The following NOVA1 variants were observed in gnomAD, a reference collection of about 807,000 sequenced individuals.
NOVA1 encodes RNA-binding protein Nova-1.
NOVA1 carries 7 observed loss-of-function variants against 38.0 expected under a neutral mutation model. The observed-to-expected ratio is 0.18, with a 90% CI of 0.10 to 0.35. NOVA1 has a LOEUF of 0.35. Among genes scored for constraint, NOVA1 ranks in the 10% least tolerant of loss-of-function variants. The pLI, the probability that NOVA1 is intolerant of heterozygous loss-of-function variation, is 1.00. For synonymous variants in NOVA1, 270 were observed against 232.5 expected (o/e 1.16, Z -1.47); for missense variants, 460 against 616.0 (o/e 0.75, Z 2.68).
chr14:26,565,745 G>A (rs1892096787), intron 2 of NOVA1, among the ~76,000 whole-genome samples: 1 of 152,076 alleles, frequency 6.6e-6, no homozygotes, highest in Non-Finnish European at 1.5e-5. Context: ...GCTAACACCA[G>A]TACCACCACA....
chr14:26,530,241 C>T (rs957395497), intron 2 of NOVA1, among the ~76,000 whole-genome samples: 1 of 152,144 alleles, frequency 6.6e-6, no homozygotes, highest in Non-Finnish European at 1.5e-5. Context: ...TTTACCTTTA[C>T]CAGCTGATTC....
intron 2 of NOVA1, among the ~76,000 whole-genome samples, chr14:26,535,095 T>C (rs547544732): frequency 6.6e-6 from 1 of 152,102 alleles, no homozygotes; most frequent in Non-Finnish European, 1.5e-5. Flanking sequence ...TACAGAAGCA[T>C]AATAATCAGC....
rs1886464489 is a variant in NOVA1 at position 26,492,973 on chromosome 14, C to G, written c.281-12830G>C. On this transcript the variant is annotated intron_variant, in intron 2 of 4. Coordinates refer to ENST00000539517, the MANE Select transcript of NOVA1 (RefSeq NM_002515.3). ...ATTAAAATTAAAAATAAGTAAATAG[C>G]TTCAGCATACCACAACATATTTAGA... Among the ~76,000 whole-genome samples the G allele has an allele frequency of 2.0e-5, 3 of 151,904 alleles. No homozygotes were observed. The South Asian group carries it at 6.2e-4, about 32-fold the overall frequency.
At chr14:26,591,189 CAG>C (rs1482004913) in intron 2 of NOVA1, among the ~76,000 whole-genome samples, 1 of 151,482 alleles carries the variant, frequency 6.6e-6, no homozygotes, top group East Asian at 1.9e-4. Context: ...AGCAAATTTT[CAG>C]AGATACTAAT....
At chr14:26,549,936 T>G (rs1891063695) in intron 2 of NOVA1, among the ~76,000 whole-genome samples, 1 of 152,084 alleles carries the variant, frequency 6.6e-6, no homozygotes, top group Admixed American at 6.6e-5. Flanking sequence ...GTCTGAAAAC[T>G]TTGCCACAGC....
At chr14:26,523,740 A>C (rs370220233) in intron 2 of NOVA1, among the ~76,000 whole-genome samples, 100 of 131,012 alleles carry the variant, frequency 7.6e-4, no homozygotes, top group Middle Eastern at 4.1e-3. Flanking sequence ...TTCCCTATCC[A>C]CTTGAAGATT....
chr14:26,459,056 A>C (rs1480931736), intron 4 of NOVA1, among the ~76,000 whole-genome samples: 2 of 152,050 alleles, frequency 1.3e-5, no homozygotes, highest in Non-Finnish European at 2.9e-5. Flanking sequence ...ACAGCAGTGT[A>C]CAGTAATGTC....
chr14:26,567,353 T>C (rs1415659195), intron 2 of NOVA1, among the ~76,000 whole-genome samples: 1 of 142,068 alleles, frequency 7.0e-6, no homozygotes, highest in Non-Finnish European at 1.5e-5. Flanking sequence ...TGGAATGCAG[T>C]GGCGCAATCT....
At chr14:26,593,577 G>A (rs1017125706) in intron 2 of NOVA1, 1 of 151,700 alleles carries the variant, frequency 6.6e-6, no homozygotes, top group African/African-American at 2.4e-5. Flanking sequence ...ATCAGGTTAC[G>A]TCACCACACA....
rs769468813 is a variant in NOVA1 at position 26,480,151 on chromosome 14, T to C, written c.281-8A>G. 1 of 1,591,602 alleles carries C rather than the reference T, an allele frequency of 6.3e-7. No homozygotes were observed. The highest frequency in any genetic ancestry group is 2.2e-5 in the East Asian group (1 of 44,534). ...ACACTCGCTCAGTAGTACCTGTGGATAAAACATTGATTTTCAGAAAATATT... is the reference window on the plus strand; with the variant it reads ...ACACTCGCTCAGTAGTACCTGTGGACAAAACATTGATTTTCAGAAAATATT... On this transcript the variant is annotated splice_region_variant and splice_polypyrimidine_tract_variant and intron_variant, in intron 2 of 4. Coordinates refer to ENST00000539517, the MANE Select transcript of NOVA1 (RefSeq NM_002515.3).
intron 2 of NOVA1, among the ~76,000 whole-genome samples, chr14:26,484,968 C>G (rs573242665): frequency 6.6e-6 from 1 of 152,078 alleles, no homozygotes; most frequent in East Asian, 1.9e-4. Flanking sequence ...CGAACAAACC[C>G]TGCCTTCATG....
At chr14:26,458,842 A>T (rs895352467) in intron 4 of NOVA1, among the ~76,000 whole-genome samples, 3 of 152,114 alleles carry the variant, frequency 2.0e-5, no homozygotes, top group Admixed American at 6.6e-5. Context: ...TTAAGAAAAC[A>T]GTGTACAGAA....
chr14:26,597,082 T>C (rs1894239983), intron 1 of NOVA1: 2 of 1,229,484 alleles, frequency 1.6e-6, no homozygotes, highest in Non-Finnish European at 2.0e-6. Context: ...TTTTGATGAA[T>C]GATAAACACA....
At chr14:26,523,819 C>G (rs1889086411) in intron 2 of NOVA1, among the ~76,000 whole-genome samples, 1 of 144,910 alleles carries the variant, frequency 6.9e-6, no homozygotes, top group Non-Finnish European at 1.5e-5. Context: ...GGCACAATCT[C>G]AGCTCACTGC....
Position 26,447,870 on chromosome 14 carries a change from A to G in NOVA1, c.*89T>C. ...TTGCATAATTATATATTAATAACAG[A>G]AAAACTTCACTTCTGCAAAGTACAG... On this transcript the variant is annotated 3_prime_UTR_variant, in exon 5 of 5. Transcript: ENST00000539517. 1 of 961,606 alleles carries G rather than the reference A, an allele frequency of 1.0e-6. No homozygotes were observed. The highest frequency in any genetic ancestry group is 1.6e-6 in the Non-Finnish European group (1 of 629,590). 59.6% of individuals were successfully genotyped at this position (961,606 alleles called of 1,614,324 possible).
Position 26,450,382 on chromosome 14 carries a change from T to TACACAC in NOVA1, c.520-1425_520-1420dup, listed in dbSNP as rs149590260. Among the ~76,000 whole-genome samples the TACACAC allele has an allele frequency of 4.1e-3, 613 of 149,898 alleles. 3 individuals are homozygous for TACACAC. Among genetic ancestry groups the TACACAC allele is most frequent in the South Asian group, 0.013 (60 of 4,766 alleles). ...CTCACAAATATATTTACACATATAA[T>TACACAC]ACACACACACACACACACACAAACC... On this transcript the variant is annotated intron_variant, in intron 4 of 4. Transcript: ENST00000539517.
At chr14:26,590,762 A>G (rs935794219) in intron 2 of NOVA1, among the ~76,000 whole-genome samples, 2 of 151,836 alleles carry the variant, frequency 1.3e-5, no homozygotes. Flanking sequence ...CCTTTGGGGT[A>G]GTATTTGCAA....
At chr14:26,480,239 A>G in intron 2 of NOVA1, 96 bp from the exon 3 acceptor site, 2 of 1,002,280 alleles carry the variant, frequency 2.0e-6, no homozygotes, top group Non-Finnish European at 2.9e-6. Context: ...AAAATGTAAA[A>G]TGCAGAACTC....
chr14:26,568,370 TTGAG>T (rs1385646797), intron 2 of NOVA1: 1 of 152,206 alleles, frequency 6.6e-6, no homozygotes, highest in Non-Finnish European at 1.5e-5. Flanking sequence ...TCAGACAGAC[TTGAG>T]TACACATCAA....
Sources: gnomAD v4.1 joint callset for allele counts (sites outside exome capture counted in the v4.1 genomes callset) on GRCh38, gnomAD v4.1.1 for gene constraint, MANE v1.5 for transcripts, NCBI Gene and HGNC (gene_info 2026-07-23, HGNC 2026-07-21) for gene names.